Variants in LRP1B observed in about 807,000 individuals in gnomAD.
The protein encoded by LRP1B is LDL receptor related protein 1B.
LRP1B carries 217 observed loss-of-function variants against 556.6 expected under a neutral mutation model. The observed-to-expected ratio is 0.39, with a 90% CI of 0.35 to 0.44. The LOEUF (loss-of-function observed/expected upper bound fraction) is 0.44, where lower values mean the gene tolerates loss of function less well. Ranked by LOEUF, LRP1B falls within the 20% of genes least tolerant of loss-of-function variation. The pLI is 1.00. For synonymous variants in LRP1B, 2,047 were observed against 1,865.8 expected (o/e 1.10, Z -2.50); for missense variants, 5,053 against 5,620.8 (o/e 0.90, Z 3.23).
chr2:141,363,592 A>G (rs1377959303), intron 3 of LRP1B, among the ~76,000 whole-genome samples: 4 of 152,140 alleles, frequency 2.6e-5, no homozygotes, highest in Non-Finnish European at 5.9e-5. Flanking sequence ...TAATTATTCA[A>G]AAGGAAATAT....
intron 1 of LRP1B, among the ~76,000 whole-genome samples, chr2:142,071,474 G>A (rs1705307155): frequency 6.6e-6 from 1 of 151,722 alleles, no homozygotes; most frequent in African/African-American, 2.4e-5. Context: ...TGTACAGTTG[G>A]AAATGTTGAA....
intron 1 of LRP1B, among the ~76,000 whole-genome samples, chr2:141,821,315 T>TA (rs538228662): frequency 1.2e-4 from 18 of 152,230 alleles, no homozygotes; most frequent in Non-Finnish European, 2.4e-4. Context: ...ATCACAGGTG[T>TA]AAGCCTCATC....
At position 140,578,265 on chromosome 2, in the gene LRP1B, T is replaced by G. The variant is rs1368955645; in HGVS notation, c.7194+20366A>C. ...TATCAAAGCTAAAACACTTACAGTT[T>G]TTTTTTTCACTTTCGTTCTCATCTA... On this transcript the variant is annotated intron_variant, in intron 43 of 90. Coordinates refer to ENST00000389484, the MANE Select transcript of LRP1B (RefSeq NM_018557.3). 2.0e-5 allele frequency among the ~76,000 whole-genome samples: 3 copies of G among 152,218 alleles called. No homozygotes were observed. In the East Asian group the frequency reaches 5.8e-4, roughly 29 times the overall value.
At chr2:141,843,554 G>C (rs1246795732) in intron 1 of LRP1B, among the ~76,000 whole-genome samples, 1 of 152,048 alleles carries the variant, frequency 6.6e-6, no homozygotes, top group Non-Finnish European at 1.5e-5. Flanking sequence ...CCTTTTATTT[G>C]AATGACTAAA....
intron 59 of LRP1B, among the ~76,000 whole-genome samples, chr2:140,478,406 T>C (rs11903138): frequency 0.048 from 7,301 of 152,096 alleles, 213 homozygotes; most frequent in African/African-American, 0.052. Context: ...GCCTCAGCCT[T>C]CCAAAGTGCT....
intron 2 of LRP1B, among the ~76,000 whole-genome samples, chr2:141,483,879 G>A (rs1683017102): frequency 6.7e-6 from 1 of 149,844 alleles, no homozygotes; most frequent in Non-Finnish European, 1.5e-5. Flanking sequence ...TGTCAGATGA[G>A]TAGGTTGCAA....
chr2:141,890,323 C>CATATATATAT (rs556472129), intron 1 of LRP1B, among the ~76,000 whole-genome samples: 1,637 of 83,602 alleles, frequency 0.02, 21 homozygotes, highest in African/African-American at 0.024. Context: ...GGGCACAATA[C>CATATATATAT]ATATATATAT....
intron 25 of LRP1B, among the ~76,000 whole-genome samples, chr2:140,870,244 G>A (rs1427417171): frequency 1.3e-5 from 2 of 152,116 alleles, no homozygotes; most frequent in Non-Finnish European, 2.9e-5. Context: ...ATAAGGCAAT[G>A]TTTGTTGACT....
At chr2:140,431,883 T>C (rs779106108) in intron 66 of LRP1B, among the ~76,000 whole-genome samples, 1 of 152,322 alleles carries the variant, frequency 6.6e-6, no homozygotes, top group Admixed American at 6.5e-5. Flanking sequence ...GAAGCAGCCC[T>C]GAGAAACATC....
intron 20 of LRP1B, among the ~76,000 whole-genome samples, chr2:140,935,737 G>C (rs973786364): frequency 2.0e-5 from 3 of 152,010 alleles, no homozygotes; most frequent in African/African-American, 7.2e-5. Context: ...TAAAGAAAAA[G>C]AGAAAATCTT....
chr2:141,984,063 A>AAAAT (rs1459168808), intron 1 of LRP1B, among the ~76,000 whole-genome samples: 2 of 152,300 alleles, frequency 1.3e-5, no homozygotes, highest in Admixed American at 6.5e-5. Flanking sequence ...CTCCATCTCA[A>AAAAT]AAATAAATAA....
chr2:141,579,723 A>ATTTTTTTTTTTTT (rs1559153915), intron 2 of LRP1B, among the ~76,000 whole-genome samples: 3 of 31,136 alleles, frequency 9.6e-5, no homozygotes, highest in African/African-American at 2.9e-4. Context: ...ATCAGGTTTC[A>ATTTTTTTTTTTTT]CTTTTTTTTT....
chr2:140,834,177 C>T (rs1415314838), intron 31 of LRP1B, among the ~76,000 whole-genome samples: 1 of 152,180 alleles, frequency 6.6e-6, no homozygotes, highest in Non-Finnish European at 1.5e-5. Flanking sequence ...CCTAACCATA[C>T]CTTCATTTGA....
intron 1 of LRP1B, among the ~76,000 whole-genome samples, chr2:142,023,118 T>C (rs1401785526): frequency 6.6e-6 from 1 of 152,212 alleles, no homozygotes; most frequent in Non-Finnish European, 1.5e-5. Flanking sequence ...TCTTGTTCTA[T>C]ACCTTTCTAT....
At chr2:141,591,715 G>T (rs1285512733) in intron 2 of LRP1B, among the ~76,000 whole-genome samples, 1 of 151,864 alleles carries the variant, frequency 6.6e-6, no homozygotes, top group Non-Finnish European at 1.5e-5. Flanking sequence ...ATGTCGACAG[G>T]CTTTAATTTT....
intron 2 of LRP1B, among the ~76,000 whole-genome samples, chr2:141,704,965 A>G (rs1397846857): frequency 1.3e-5 from 2 of 152,016 alleles, no homozygotes; most frequent in Non-Finnish European, 2.9e-5. Flanking sequence ...CTTATAGGTT[A>G]CTGGTTATAT....
At chr2:140,267,943 G>GA (rs70985080) in intron 86 of LRP1B, among the ~76,000 whole-genome samples, 54,156 of 150,580 alleles carry the variant, frequency 0.36, 11,239 homozygotes, top group Non-Finnish European at 0.49. Context: ...GCAAAAAGTG[G>GA]AAAAAAAAAT....
At chr2:141,914,299 G>T (rs555791317) in intron 1 of LRP1B, among the ~76,000 whole-genome samples, 2 of 152,298 alleles carry the variant, frequency 1.3e-5, no homozygotes, top group South Asian at 2.1e-4. Flanking sequence ...AAAAGCTGTG[G>T]CATATAGTCA....
chr2:141,299,872 T>C (rs1457189669), intron 3 of LRP1B, among the ~76,000 whole-genome samples: 2 of 152,214 alleles, frequency 1.3e-5, no homozygotes, highest in East Asian at 3.9e-4. Flanking sequence ...GTAATCTTAG[T>C]GTGTAGCATT....
Sources: allele counts gnomAD v4.1 joint callset (sites outside exome capture counted in the v4.1 genomes callset), GRCh38; gene constraint gnomAD v4.1.1; transcripts MANE v1.5; gene names NCBI Gene and HGNC (gene_info 2026-07-23, HGNC 2026-07-21).